Variants in GATB observed in about 807,000 individuals in gnomAD.
GATB encodes glutamyl-tRNA(Gln) amidotransferase subunit B, mitochondrial.
In GATB, 39 loss-of-function variants were observed where a neutral mutation model predicts 62.3. The observed-to-expected ratio is 0.63, with a 90% CI of 0.48 to 0.82. The LOEUF is 0.82. GATB is among the 40% of genes least tolerant of loss of function. The pLI, the probability that GATB is intolerant of heterozygous loss-of-function variation, is 0.00. For synonymous variants in GATB, 276 were observed against 258.9 expected (o/e 1.07, Z -0.63); for missense variants, 670 against 684.0 (o/e 0.98, Z 0.23).
rs73865005 is a variant in GATB at position 151,713,417 on chromosome 4, G to A, written c.763+2592C>T. Among the ~76,000 whole-genome samples the A allele has an allele frequency of 7.8e-3, 1,185 of 152,238 alleles. 11 individuals carry two copies. The highest frequency in any genetic ancestry group is 0.027 in the African/African-American group (1,138 of 41,556). On this transcript the variant is annotated intron_variant, in intron 5 of 12. Transcript: ENST00000263985. ...TCTTGGTTTTGGTGACAAAGCCACT[G>A]AGCTATTCCCAAGGCCTTTCAAACT...
At chr4:151,740,688 C>T (rs572962814) in intron 2 of GATB, among the ~76,000 whole-genome samples, 2 of 152,356 alleles carry the variant, frequency 1.3e-5, no homozygotes, top group East Asian at 3.9e-4. Context: ...CCCAAGAGGG[C>T]AGCTGCCATG....
intron 9 of GATB, among the ~76,000 whole-genome samples, chr4:151,694,095 C>T (rs1738421768): frequency 1.3e-5 from 2 of 152,214 alleles, no homozygotes; most frequent in Non-Finnish European, 2.9e-5. Flanking sequence ...ATCGTCCCCA[C>T]ATGGAAGGAA....
In GATB at chr4:151,731,987, C is replaced by T. The variant is rs1375256322; in HGVS notation, c.328-12449G>A. On this transcript the variant is annotated intron_variant, in intron 2 of 12. Transcript: ENST00000263985. ...GGGGGTCAGCCCCTGCCCGGCCAGCCGCCCCGTCCGGGAGGGAGGTGGGGG... is the reference window on the plus strand; with the variant it reads ...GGGGGTCAGCCCCTGCCCGGCCAGCTGCCCCGTCCGGGAGGGAGGTGGGGG... Among the ~76,000 whole-genome samples the T allele has an allele frequency of 2.1e-5, 3 of 145,210 alleles. 1 individual carries two copies. Among genetic ancestry groups the T allele is most frequent in the African/African-American group, 8.1e-5 (3 of 37,242 alleles).
intron 2 of GATB, among the ~76,000 whole-genome samples, chr4:151,732,909 T>C (rs1428844735): frequency 6.6e-6 from 1 of 151,784 alleles, no homozygotes; most frequent in Non-Finnish European, 1.5e-5. Context: ...TTGGACACAC[T>C]TTTATAACTG....
At chr4:151,747,632 T>A (rs530691669) in intron 2 of GATB, among the ~76,000 whole-genome samples, 7 of 152,316 alleles carry the variant, frequency 4.6e-5, no homozygotes, top group African/African-American at 1.7e-4. Flanking sequence ...CAAATTCACA[T>A]ATGGACACAT....
intron 2 of GATB, among the ~76,000 whole-genome samples, chr4:151,740,311 G>C (rs141484965): frequency 2.0e-5 from 3 of 152,276 alleles, no homozygotes; most frequent in East Asian, 3.9e-4. Flanking sequence ...CATGAACATC[G>C]TAAGAGTGTA....
intron 9 of GATB, among the ~76,000 whole-genome samples, chr4:151,689,741 A>G (rs1484018572): frequency 6.6e-6 from 1 of 151,914 alleles, no homozygotes; most frequent in Non-Finnish European, 1.5e-5. Flanking sequence ...GAAATCACAC[A>G]TGAGGCGCGC....
chr4:151,708,265 G>A (rs1462539911), intron 5 of GATB, among the ~76,000 whole-genome samples, 164 bp from the exon 6 acceptor site: 1 of 152,212 alleles, frequency 6.6e-6, no homozygotes, highest in East Asian at 1.9e-4. Flanking sequence ...GGTCGTGGCT[G>A]GTACTTCTGG....
rs1465940788 is a variant in GATB at position 151,716,861 on chromosome 4, A to C, written c.640+15T>G. On this transcript the variant is annotated intron_variant, in intron 4 of 12. Transcript: ENST00000263985. ...GAAGTAGGAAGGAGAAATAATGAAA[A>C]CACTCCAAGCCTACCTGCCCTGTTC... 6.2e-7 allele frequency: 1 copy of C among 1,613,058 alleles called. No homozygotes were observed. The highest frequency in any genetic ancestry group is 8.5e-7 in the Non-Finnish European group (1 of 1,179,230).
intron 9 of GATB, among the ~76,000 whole-genome samples, chr4:151,698,426 C>T (rs115192365): frequency 4.6e-4 from 70 of 152,182 alleles, no homozygotes; most frequent in African/African-American, 1.3e-3. Context: ...ATTTAATAAG[C>T]AATCCAAAGA....
chr4:151,733,076 C>A lies in GATB; in HGVS notation c.328-13538G>T, dbSNP rs1040957557. 9.3e-4 allele frequency among the ~76,000 whole-genome samples: 141 copies of A among 152,014 alleles called. 2 individuals are homozygous for A. The highest frequency in any genetic ancestry group is 9.2e-3 in the Admixed American group (140 of 15,278). Reference sequence around the variant, plus strand: ...CCTCAAGGAACTAGAGAAATAAGAACAAACCAAACCCAAACCCAGCAGAAG... The same window carrying A: ...CCTCAAGGAACTAGAGAAATAAGAAAAAACCAAACCCAAACCCAGCAGAAG... On this transcript the variant is annotated intron_variant, in intron 2 of 12. Transcript: ENST00000263985.
chr4:151,709,065 GT>G (rs1738770126), intron 5 of GATB, among the ~76,000 whole-genome samples: 1 of 152,170 alleles, frequency 6.6e-6, no homozygotes, highest in Non-Finnish European at 1.5e-5. Context: ...TCCTAGTTAC[GT>G]TTTTAAATTA....
intron 12 of GATB, among the ~76,000 whole-genome samples, chr4:151,671,624 G>T (rs529613869): frequency 5.7e-4 from 87 of 152,264 alleles, no homozygotes; most frequent in Middle Eastern, 6.8e-3. Flanking sequence ...AGTCTGGGGA[G>T]GGATAATCTC....
At chr4:151,732,079 A>C (rs1184126495) in intron 2 of GATB, among the ~76,000 whole-genome samples, 2 of 132,968 alleles carry the variant, frequency 1.5e-5, no homozygotes, top group African/African-American at 3.0e-5. Flanking sequence ...CCGCCCGGCC[A>C]GCCGCCCCGT....
chr4:151,717,195 A>T, intron 3 of GATB, 121 bp from the exon 4 acceptor site: 1 of 932,156 alleles, frequency 1.1e-6, no homozygotes, highest in East Asian at 2.5e-5. Context: ...AACAACAAGA[A>T]AAAAAGGAAA....
Position 151,671,235 on chromosome 4 carries a change from GT to G in GATB, c.1612del (p.Thr538LeufsTer9). 3.7e-6 allele frequency: 6 copies of G among 1,614,118 alleles called. No individual in the cohort carries two copies. The highest frequency in any genetic ancestry group is 5.1e-6 in the Non-Finnish European group (6 of 1,179,998). On this transcript the variant is annotated frameshift_variant, in exon 13 of 13. Coordinates refer to ENST00000263985, the MANE Select transcript of GATB (RefSeq NM_004564.3). LOFTEE classifies it high-confidence loss of function. ...NKLIGLVRKA[T>X]QSRADPVMIK... ...CATGACTGGATCTGCTCGGCTTTGA[GT>G]CGCTTTCCGGACCAACCCAATCAGT...
In GATB at chr4:151,750,016, G is replaced by C. The variant is rs897745448; in HGVS notation, c.327+8756C>G. 7.9e-5 allele frequency among the ~76,000 whole-genome samples: 12 copies of C among 152,128 alleles called. No homozygotes were observed. The South Asian group carries it at 8.3e-4, about 11-fold the overall frequency. The stretch of plus-strand genomic sequence containing the variant: ...CCTGCCTCAGCCTCCCGAGTAGCTG[G>C]GACTACAGACGTCCGCCACCACACC... On this transcript the variant is annotated intron_variant, in intron 2 of 12. Coordinates refer to ENST00000263985, the MANE Select transcript of GATB (RefSeq NM_004564.3).
intron 11 of GATB, 168 bp from the exon 12 acceptor site, chr4:151,673,064 G>A: frequency 1.3e-6 from 1 of 764,908 alleles, no homozygotes; most frequent in Non-Finnish European, 2.0e-6. Context: ...TGCCCTGCCA[G>A]AGCGTTGGCT....
intron 10 of GATB, among the ~76,000 whole-genome samples, chr4:151,686,663 A>ACCCCCCCCCCCCCCCCCCCCCCCCCCCCG (rs1738256243): frequency 1.5e-5 from 1 of 68,488 alleles, no homozygotes; most frequent in Non-Finnish European, 3.0e-5. Flanking sequence ...CCCCCCCCCC[A>ACCCCCCCCCCCCCCCCCCCCCCCCCCCCG]CCCCCCAGTT....
Sources: gnomAD v4.1 joint callset for allele counts (sites outside exome capture counted in the v4.1 genomes callset) on GRCh38, gnomAD v4.1.1 for gene constraint, MANE v1.5 for transcripts, NCBI Gene and HGNC (gene_info 2026-07-23, HGNC 2026-07-21) for gene names.